The following ARMCX4 variants were observed in gnomAD, a reference collection of about 807,000 sequenced individuals.
ARMCX4 encodes armadillo repeat-containing X-linked protein 4.
A neutral mutation model predicts 34.7 loss-of-function variants in ARMCX4; 3 were observed. The ratio of observed to expected loss-of-function variants is 0.09; its 90% CI spans 0.04 to 0.22. The LOEUF (loss-of-function observed/expected upper bound fraction) is 0.22. Among genes scored for constraint, ARMCX4 ranks in the 10% least tolerant of loss-of-function variants. The pLI is 1.00. For missense variants in ARMCX4, 1,448 were observed against 1,720.8 expected (o/e 0.84, Z 2.81); for synonymous variants, 513 against 632.8 (o/e 0.81, Z 2.84).
chrX:101,472,682 C>T (rs1465112341), intron 4 of ARMCX4, among the ~76,000 whole-genome samples: 2 of 81,069 alleles, frequency 2.5e-5, no homozygotes, highest in African/African-American at 5.1e-5. Context: ...AATTTTCAAC[C>T]CAGAATTTCA....
intron 12 of ARMCX4, chrX:101,532,710 G>A (rs1476306285): frequency 1.8e-5 from 2 of 111,666 alleles, no homozygotes; most frequent in African/African-American, 6.5e-5. Context: ...GAAATGGGTG[G>A]TAGAAGAATG....
chrX:101,437,958 G>C (rs868938313), intron 2 of ARMCX4, among the ~76,000 whole-genome samples: 45 of 111,781 alleles, frequency 4.0e-4, no homozygotes, highest in African/African-American at 1.3e-3. Flanking sequence ...GAGCGGTTTT[G>C]AGTGAGTTTC....
At chrX:101,506,031 C>T (rs781976737) in intron 8 of ARMCX4, among the ~76,000 whole-genome samples, 15 of 111,324 alleles carry the variant, frequency 1.3e-4, no homozygotes, top group South Asian at 3.8e-4. Context: ...TTCATAGAGA[C>T]GGGGTTTCAC....
intron 2 of ARMCX4, among the ~76,000 whole-genome samples, chrX:101,429,913 C>CT (rs1386896921): frequency 9.0e-6 from 1 of 111,493 alleles, no homozygotes; most frequent in Admixed American, 9.6e-5. Context: ...ATGGAGAAGG[C>CT]TTTTTTATTG....
At chrX:101,480,915 G>A (rs1472859390), upstream of ARMCX4, among the ~76,000 whole-genome samples, 2 of 111,548 alleles carry the variant, frequency 1.8e-5, no homozygotes, top group Non-Finnish European at 3.8e-5. Flanking sequence ...TTGAGCTCAG[G>A]AGTTCGAAAC....
At chrX:101,475,761 A>G (rs969036529) in intron 4 of ARMCX4, among the ~76,000 whole-genome samples, 3 of 111,807 alleles carry the variant, frequency 2.7e-5, no homozygotes, top group Non-Finnish European at 5.6e-5. Context: ...AAGGACACAG[A>G]AGGACGCTTA....
At chrX:101,480,173 C>CACAT (rs1384994537) in intron 4 of ARMCX4, among the ~76,000 whole-genome samples, 1 of 101,025 alleles carries the variant, frequency 9.9e-6, no homozygotes, top group Non-Finnish European at 2.0e-5. Flanking sequence ...CACACACACA[C>CACAT]ACATATATAT....
rs1603222979 is a variant in ARMCX4 at position 101,508,854 on chromosome X, C to T, written c.*1597-510C>T. 2.7e-5 allele frequency among the ~76,000 whole-genome samples: 3 copies of T among 111,600 alleles called. No individual in the cohort carries two copies. In the Admixed American group the frequency reaches 2.8e-4, roughly 11 times the overall value. Reference sequence around the variant, plus strand: ...TTTAGCTCTTCTTTTATACTCACCCCTGCTTATTGTAATCATACATTTCTA... The same window carrying T: ...TTTAGCTCTTCTTTTATACTCACCCTTGCTTATTGTAATCATACATTTCTA... On this transcript the variant is annotated intron_variant and NMD_transcript_variant, in intron 8 of 12. Coordinates refer to the ARMCX4 transcript ENST00000354842.
chrX:101,482,960 A>G (rs1556005717), upstream of ARMCX4, among the ~76,000 whole-genome samples: 1 of 83,869 alleles, frequency 1.2e-5, no homozygotes, highest in Non-Finnish European at 2.1e-5. Context: ...CAGTGGCGTG[A>G]TCTAGGCTCA....
chrX:101,456,072 C>T (rs1424443475), intron 4 of ARMCX4, among the ~76,000 whole-genome samples: 3 of 111,225 alleles, frequency 2.7e-5, no homozygotes, highest in South Asian at 3.8e-4. Flanking sequence ...CGTTGGTGGG[C>T]GGGTACCCGG....
At chrX:101,428,476 TA>T in intron 2 of ARMCX4, among the ~76,000 whole-genome samples, 1 of 112,560 alleles carries the variant, frequency 8.9e-6, no homozygotes, top group East Asian at 2.8e-4. Context: ...TCAATTTCAT[TA>T]AGCTGTGCAT....
chrX:101,478,615 C>G (rs782514072), intron 4 of ARMCX4, among the ~76,000 whole-genome samples: 2 of 111,225 alleles, frequency 1.8e-5, no homozygotes, highest in East Asian at 5.6e-4. Flanking sequence ...ATATAAGATA[C>G]AGGAAGCACA....
intron 2 of ARMCX4, among the ~76,000 whole-genome samples, chrX:101,432,846 A>ACG (rs1569314557): frequency 1.0e-5 from 1 of 99,294 alleles, no homozygotes; most frequent in African/African-American, 3.6e-5. Flanking sequence ...ATGTATACAT[A>ACG]TGTGTATATA....
chrX:101,460,794 C>G (rs1932574733), intron 4 of ARMCX4, among the ~76,000 whole-genome samples: 1 of 111,436 alleles, frequency 9.0e-6, no homozygotes, highest in African/African-American at 3.3e-5. Context: ...TTCCCAGTAG[C>G]CAATATAAAG....
downstream of ARMCX4, among the ~76,000 whole-genome samples, chrX:101,449,605 A>C (rs1555998741): frequency 8.9e-6 from 1 of 111,789 alleles, no homozygotes. Context: ...AGAATTCTGC[A>C]TTCCTTCTCT....
At chrX:101,515,401 C>T (rs1556017506) in intron 11 of ARMCX4, among the ~76,000 whole-genome samples, 2 of 10,238 alleles carry the variant, frequency 2.0e-4, no homozygotes, top group African/African-American at 6.8e-4. Context: ...TTCCCTCCCT[C>T]CCTCCCTCCC....
chrX:101,531,401 A>G (rs1238159400), intron 11 of ARMCX4, among the ~76,000 whole-genome samples: 3 of 112,147 alleles, frequency 2.7e-5, no homozygotes, highest in Non-Finnish European at 5.6e-5. Context: ...TATACAATTT[A>G]AAGTGTTCTA....
At position 101,456,176 on chromosome X, in the gene ARMCX4, A is replaced by G. The variant is rs188903977; in HGVS notation, c.-473+10132A>G. ...GAACAATTTATTTTCCTTTGGATAT[A>G]TACTCAGTAATGGGGTGCTGAGTTA... On this transcript the variant is annotated intron_variant and NMD_transcript_variant, in intron 4 of 15. Coordinates refer to the ARMCX4 transcript ENST00000433011. Among the ~76,000 whole-genome samples the G allele has an allele frequency of 1.4e-3, 153 of 111,901 alleles. 2 individuals carry two copies. Among genetic ancestry groups the G allele is most frequent in the African/African-American group, 4.8e-3 (147 of 30,823 alleles).
At chrX:101,534,874 A>T (rs1402084536), downstream of ARMCX4, among the ~76,000 whole-genome samples, 1 of 112,096 alleles carries the variant, frequency 8.9e-6, no homozygotes, top group Non-Finnish European at 1.9e-5. Flanking sequence ...AATTCCAACC[A>T]TTCTGACTGT....
Sources: gnomAD v4.1 joint callset for allele counts (sites outside exome capture counted in the v4.1 genomes callset) on GRCh38, gnomAD v4.1.1 for gene constraint, MANE v1.5 for transcripts, NCBI Gene and HGNC (gene_info 2026-07-23, HGNC 2026-07-21) for gene names.